ARPC3: variants seen among roughly 807,000 people sequenced by gnomAD.
The protein encoded by ARPC3 is actin-related protein 2/3 complex subunit 3.
In ARPC3, 12 loss-of-function variants were observed where a neutral mutation model predicts 27.6. The ratio of observed to expected loss-of-function variants is 0.43; its 90% CI spans 0.28 to 0.70. ARPC3 has a LOEUF of 0.70. Among genes scored for constraint, ARPC3 ranks in the 30% least tolerant of loss-of-function variants. ARPC3 has a pLI of 0.17. For synonymous variants in ARPC3, 53 were observed against 67.2 expected (o/e 0.79, Z 1.03); for missense variants, 153 against 207.7 (o/e 0.74, Z 1.62).
intron 1 of ARPC3, 159 bp from the exon 2 acceptor site, chr12:110,445,710 CT>C: frequency 1.5e-6 from 1 of 665,720 alleles, no homozygotes; most frequent in South Asian, 1.6e-5. Context: ...CTGGTTCTTT[CT>C]GGCTCAAGAA....
Position 110,435,235 on chromosome 12 carries a change from C to A in ARPC3, c.475-18G>T, listed in dbSNP as rs1271927474. Reference sequence around the variant, plus strand: ...GTCCACCACTAACAAGAGAGAACAACACAGAATGAACAGCGGGGTCAAATT... The same window carrying A: ...GTCCACCACTAACAAGAGAGAACAAAACAGAATGAACAGCGGGGTCAAATT... On this transcript the variant is annotated intron_variant, in intron 6 of 6. Transcript: ENST00000228825. 1.3e-6 allele frequency: 2 copies of A among 1,597,550 alleles called. No individual in the cohort carries two copies. The highest frequency in any genetic ancestry group is 2.7e-5 in the African/African-American group (2 of 74,532).
chr12:110,441,546 T>G (rs1386126909), intron 2 of ARPC3, among the ~76,000 whole-genome samples: 1 of 152,102 alleles, frequency 6.6e-6, no homozygotes, highest in Non-Finnish European at 1.5e-5. Flanking sequence ...AGTTTTATTT[T>G]TTAGAGAGAG....
intron 2 of ARPC3, among the ~76,000 whole-genome samples, chr12:110,443,897 G>A (rs1339268941): frequency 6.6e-6 from 1 of 151,890 alleles, no homozygotes; most frequent in Admixed American, 6.6e-5. Flanking sequence ...ACAGATATTT[G>A]TTGAATATAA....
At chr12:110,436,895 C>A in intron 4 of ARPC3, 189 bp downstream of exon 4, 1 of 667,646 alleles carries the variant, frequency 1.5e-6, no homozygotes, top group South Asian at 1.8e-5. Context: ...CTACTTTTAT[C>A]TTTGTGTCAG....
Position 110,435,322 on chromosome 12 carries a change from C to CTT in ARPC3, c.475-107_475-106dup, listed in dbSNP as rs372540827. 6,722 of 673,932 alleles carry CTT rather than the reference C, an allele frequency of 1.0e-2. 21 individuals carry two copies. The highest frequency in any genetic ancestry group is 0.053 in the Admixed American group (2,017 of 37,790). The allele number at this position is 673,932 out of a possible 1,614,324, so 41.7% of individuals were successfully genotyped here. ...ACATTAGTCTGGAATCTCTTATAAA[C>CTT]TTTTTTTTTTTTTTTTTGAGACGGA... is the stretch of plus-strand genomic sequence containing the variant. On this transcript the variant is annotated intron_variant, in intron 6 of 6. Transcript: ENST00000228825.
intron 1 of ARPC3, 33 bp downstream of exon 1, chr12:110,450,222 G>C (rs777874903): frequency 1.2e-6 from 2 of 1,613,716 alleles, no homozygotes; most frequent in Admixed American, 3.3e-5. Flanking sequence ...CGCAATCCCC[G>C]CTGTCTCCCC....
At chr12:110,445,092 G>A (rs1204581570) in intron 2 of ARPC3, 2 of 255,210 alleles carry the variant, frequency 7.8e-6, no homozygotes, top group East Asian at 2.0e-4. Context: ...CGAGGAAGAG[G>A]TTAAAATATT....
chr12:110,436,958 A>G, intron 4 of ARPC3, 126 bp downstream of exon 4: 1 of 784,714 alleles, frequency 1.3e-6, no homozygotes, highest in Non-Finnish European at 2.2e-6. Context: ...TCTTAAGTCC[A>G]TGCTGTAAGT....
rs1430320536 is a variant in ARPC3, at chr12:110,435,151, C to T, written c.*4G>A. The T allele has an allele frequency of 3.1e-6, 5 of 1,613,174 alleles. No homozygotes were observed. The highest frequency in any genetic ancestry group is 4.2e-6 in the Non-Finnish European group (5 of 1,179,454). On this transcript the variant is annotated 3_prime_UTR_variant, in exon 7 of 7. Transcript: ENST00000228825. ...TCTGGAGACGGTGGCTGCCCGGGCT[C>T]CCTTCACTGTCCAGGTCCTGAAAGA...
chr12:110,447,170 T>C (rs964196555), intron 1 of ARPC3, among the ~76,000 whole-genome samples: 2 of 152,212 alleles, frequency 1.3e-5, no homozygotes, highest in Non-Finnish European at 2.9e-5. Flanking sequence ...GACCAAGACA[T>C]CATTCTTCTT....
At chr12:110,441,209 G>A (rs112969613) in intron 2 of ARPC3, among the ~76,000 whole-genome samples, 9 of 141,826 alleles carry the variant, frequency 6.3e-5, no homozygotes, top group Admixed American at 3.6e-4. Flanking sequence ...GCATGATCTC[G>A]GCTCACTCTG....
At chr12:110,443,526 G>C (rs1022739597) in intron 2 of ARPC3, among the ~76,000 whole-genome samples, 10 of 152,088 alleles carry the variant, frequency 6.6e-5, no homozygotes, top group African/African-American at 2.2e-4. Flanking sequence ...TCCGCCTCCT[G>C]AGTTCAAGTG....
intron 1 of ARPC3, among the ~76,000 whole-genome samples, chr12:110,449,530 C>T (rs1252194096): frequency 6.6e-6 from 1 of 152,086 alleles, no homozygotes; most frequent in Non-Finnish European, 1.5e-5. Flanking sequence ...TCACTGCACT[C>T]CAGCCTGGGC....
chr12:110,441,615 TG>T (rs1327456125), intron 2 of ARPC3, among the ~76,000 whole-genome samples: 2 of 152,042 alleles, frequency 1.3e-5, no homozygotes, highest in East Asian at 3.9e-4. Context: ...ACCACAGACT[TG>T]AATTCCTGAG....
intron 3 of ARPC3, among the ~76,000 whole-genome samples, chr12:110,438,239 T>G (rs1261783373): frequency 6.8e-6 from 1 of 147,092 alleles, no homozygotes; most frequent in Non-Finnish European, 1.5e-5. Context: ...GAGGTTGTAA[T>G]GAGTCAAGAC....
rs150250786 is a variant in ARPC3 at position 110,441,628 on chromosome 12, G to T, written c.107-1240C>A. ...TCACCACAGACTTGAATTCCTGAGC[G>T]CAAGTGATCCTCCTGCTTCAGCTTC... On this transcript the variant is annotated intron_variant, in intron 2 of 6. Coordinates refer to ENST00000228825, the MANE Select transcript of ARPC3 (RefSeq NM_001278556.2). Among the ~76,000 whole-genome samples the T allele has an allele frequency of 9.0e-4, 137 of 151,844 alleles. 1 individual carries two copies. Among genetic ancestry groups the T allele is most frequent in the Middle Eastern group, 3.4e-3 (1 of 294 alleles).
chr12:110,438,331 G>A (rs1334215893), intron 3 of ARPC3, among the ~76,000 whole-genome samples: 2 of 150,382 alleles, frequency 1.3e-5, no homozygotes, highest in East Asian at 4.0e-4. Flanking sequence ...CGGGTGCGGT[G>A]GCCCACACCT....
At chr12:110,448,183 A>G (rs2062476646) in intron 1 of ARPC3, among the ~76,000 whole-genome samples, 1 of 152,024 alleles carries the variant, frequency 6.6e-6, no homozygotes, top group African/African-American at 2.4e-5. Context: ...CCCAGCCTAG[A>G]GTCCTGGCTT....
At chr12:110,447,297 G>A (rs1253298633) in intron 1 of ARPC3, among the ~76,000 whole-genome samples, 1 of 152,222 alleles carries the variant, frequency 6.6e-6, no homozygotes, top group Admixed American at 6.5e-5. Context: ...TTTGTATGCT[G>A]ATTCTTAGTT....
Sources: allele counts gnomAD v4.1 joint callset (sites outside exome capture counted in the v4.1 genomes callset), GRCh38; gene constraint gnomAD v4.1.1; transcripts MANE v1.5; gene names NCBI Gene and HGNC (gene_info 2026-07-23, HGNC 2026-07-21).